The following ZNF329 variants were observed in gnomAD, a reference collection of about 807,000 sequenced individuals.
The protein encoded by ZNF329 is zinc finger protein 329.
A neutral mutation model predicts 26.6 loss-of-function variants in ZNF329; 15 were observed. The observed-to-expected ratio is 0.56, with a 90% CI of 0.38 to 0.87. The LOEUF is 0.87. Ranked by LOEUF, ZNF329 falls within the 40% of genes least tolerant of loss-of-function variation. ZNF329 has a pLI of 0.00. For missense variants in ZNF329, 651 were observed against 651.9 expected (o/e 1.00, Z 0.02); for synonymous variants, 239 against 233.5 (o/e 1.02, Z -0.21).
intron 3 of ZNF329, among the ~76,000 whole-genome samples, chr19:58,134,273 G>C (rs1400317590): frequency 1.3e-5 from 2 of 152,100 alleles, no homozygotes; most frequent in Non-Finnish European, 2.9e-5. Flanking sequence ...TACTGAAGTT[G>C]AAAAACATTG....
intron 3 of ZNF329, chr19:58,137,025 T>A: frequency 1.6e-5 from 3 of 183,826 alleles, no homozygotes; most frequent in African/African-American, 2.5e-5. Flanking sequence ...GATTCAGGAG[T>A]AAGTCCCACC....
intron 3 of ZNF329, among the ~76,000 whole-genome samples, chr19:58,141,403 A>T (rs1199526253): frequency 1.3e-5 from 2 of 151,816 alleles, no homozygotes; most frequent in Non-Finnish European, 2.9e-5. Context: ...GGTTCAAGTG[A>T]TTCTCCTGAC....
At chr19:58,146,795 C>G (rs569698484) in intron 1 of ZNF329, among the ~76,000 whole-genome samples, 1 of 151,964 alleles carries the variant, frequency 6.6e-6, no homozygotes, top group Non-Finnish European at 1.5e-5. Flanking sequence ...ACGAGTGATC[C>G]GCCAGCCTCG....
chr19:58,129,372 C>T lies in ZNF329; in HGVS notation c.132G>A (p.Glu44=), dbSNP rs2074884288. 1.2e-6 allele frequency: 2 copies of T among 1,614,216 alleles called. No individual in the cohort carries two copies. The highest frequency in any genetic ancestry group is 3.3e-5 in the Admixed American group (2 of 60,016). The change falls in exon 4 of 4, where the codon GAG becomes GAA. Residue 44 remains glutamate, a synonymous_variant. Coordinates refer to ENST00000598312, the MANE Select transcript of ZNF329 (RefSeq NM_024620.4). ...LGDGWDCENQ[E]GHLRQSALTL... is the part of the protein sequence containing the mutation. The stretch of plus-strand genomic sequence containing the variant: ...TTAAAGCTGATTGCCTCAAGTGTCC[C>T]TCCTGGTTCTCACAGTCCCAACCAT...
At chr19:58,137,809 CAAAAA>C (rs72295173) in intron 3 of ZNF329, among the ~76,000 whole-genome samples, 1 of 76,260 alleles carries the variant, frequency 1.3e-5, no homozygotes, top group Non-Finnish European at 2.4e-5. Flanking sequence ...ACAAAAAATA[CAAAAA>C]AAAAAAAAAA....
chr19:58,150,284 C>A (rs1025186988), intron 1 of ZNF329, among the ~76,000 whole-genome samples: 1 of 152,238 alleles, frequency 6.6e-6, no homozygotes, highest in Non-Finnish European at 1.5e-5. Flanking sequence ...GGAAGCGGCT[C>A]AGCCCACTGG....
upstream of ZNF329, among the ~76,000 whole-genome samples, chr19:58,154,300 C>T (rs1008149169): frequency 1.6e-4 from 24 of 152,226 alleles, no homozygotes; most frequent in Non-Finnish European, 4.4e-5. Context: ...TCAGCCACAG[C>T]TGTAACTTAT....
intron 1 of ZNF329, among the ~76,000 whole-genome samples, chr19:58,147,081 G>C (rs1342005481): frequency 6.6e-6 from 1 of 151,620 alleles, no homozygotes; most frequent in African/African-American, 2.4e-5. Context: ...TCTCTGCCCG[G>C]CCGCCATCCC....
At chr19:58,132,679 G>GA (rs1024028960) in intron 3 of ZNF329, 10,553 of 86,806 alleles carry the variant, frequency 0.12, 517 homozygotes, top group East Asian at 0.2. Context: ...GACTCCGTCT[G>GA]AAAAAAAAAA....
chr19:58,150,121 G>T (rs989563190), intron 1 of ZNF329, among the ~76,000 whole-genome samples: 2 of 152,092 alleles, frequency 1.3e-5, no homozygotes, highest in Non-Finnish European at 1.5e-5. Flanking sequence ...ACTGCACAAA[G>T]GAAATATGCC....
In ZNF329 at chr19:58,150,395, C is replaced by G. The variant is rs2075423352; in HGVS notation, c.-208+357G>C. ...TCGGGGGTTACCCCCGGAGACGGAC[C>G]AGGACACCCAGCAGGCGTGGCAAAA... On this transcript the variant is annotated intron_variant, in intron 1 of 3. Coordinates refer to ENST00000598312, the MANE Select transcript of ZNF329 (RefSeq NM_024620.4). Among the ~76,000 whole-genome samples, 8 of 152,342 alleles carry G rather than the reference C, an allele frequency of 5.3e-5. No individual in the cohort carries two copies. In the South Asian group the frequency reaches 1.7e-3, roughly 32 times the overall value.
chr19:58,154,314 A>G (rs1297936215), upstream of ZNF329, among the ~76,000 whole-genome samples: 2 of 152,104 alleles, frequency 1.3e-5, no homozygotes, highest in Non-Finnish European at 2.9e-5. Flanking sequence ...AACTTATTTA[A>G]TGGGGCACTC....
chr19:58,133,101 C>T (rs1020888826), intron 3 of ZNF329, among the ~76,000 whole-genome samples: 24 of 152,154 alleles, frequency 1.6e-4, no homozygotes, highest in Non-Finnish European at 2.9e-4. Context: ...CGTGAGCCAC[C>T]GCGCCTGGCC....
At chr19:58,150,433 G>A (rs894219627) in intron 1 of ZNF329, among the ~76,000 whole-genome samples, 2 of 152,222 alleles carry the variant, frequency 1.3e-5, no homozygotes, top group East Asian at 1.9e-4. Context: ...GTCTCTATGG[G>A]AGGGCGGGCT....
At position 58,129,464 on chromosome 19, in the gene ZNF329, C is replaced by G. The variant is rs1386039128; in HGVS notation, c.40G>C (p.Glu14Gln). The change falls in exon 4 of 4, where the codon GAA becomes CAA. Residue 14 changes from glutamate (E) to glutamine (Q), a missense_variant. Coordinates refer to ENST00000598312, the MANE Select transcript of ZNF329 (RefSeq NM_024620.4). ...KMTTRNFPER[E>Q]VPCDVEVERF... The stretch of plus-strand genomic sequence containing the variant: ...TCCACTTCTACATCACAGGGTACTT[C>G]TCTCTCAGGAAAATTCCGAGTCGTC... 2.5e-6 allele frequency: 4 copies of G among 1,600,798 alleles called. No individual in the cohort carries two copies. The highest frequency in any genetic ancestry group is 3.4e-6 in the Non-Finnish European group (4 of 1,174,018).
At chr19:58,145,936 C>G (rs1442052403) in intron 1 of ZNF329, among the ~76,000 whole-genome samples, 1 of 146,132 alleles carries the variant, frequency 6.8e-6, no homozygotes, top group Non-Finnish European at 1.5e-5. Context: ...GGAATGTCAA[C>G]TGAACATCAA....
chr19:58,129,226 G>A lies in ZNF329; in HGVS notation c.278C>T (p.Ala93Val). The A allele has an allele frequency of 3.7e-6, 6 of 1,614,206 alleles. No homozygotes were observed. Among genetic ancestry groups the A allele is most frequent in the South Asian group, 2.2e-5 (2 of 91,082 alleles). ...QRVLATNGFH[A>V]PDSNVSGLDC... ...CAGACCACTAACATTTGAGTCAGGT[G>A]CATGGAAACCATTTGTTGCCAGAAC... The change falls in exon 4 of 4, where the codon GCA becomes GTA. Residue 93 changes from alanine (A) to valine (V), a missense_variant. By Grantham distance (64) the Ala-to-Val change is moderately conservative (BLOSUM62 0). Transcript: ENST00000598312.
intron 3 of ZNF329, among the ~76,000 whole-genome samples, chr19:58,129,878 C>T (rs1180930297): frequency 6.6e-6 from 1 of 152,230 alleles, no homozygotes; most frequent in Admixed American, 6.5e-5. Flanking sequence ...CATCAGTACA[C>T]ATTTCCAAAG....
chr19:58,154,237 G>A (rs1259667066), upstream of ZNF329, among the ~76,000 whole-genome samples: 2 of 152,156 alleles, frequency 1.3e-5, no homozygotes, highest in East Asian at 3.9e-4. Context: ...TACAACCCCT[G>A]AGCTCAGGCA....
Sources: gnomAD v4.1 joint callset for allele counts (sites outside exome capture counted in the v4.1 genomes callset) on GRCh38, gnomAD v4.1.1 for gene constraint, MANE v1.5 for transcripts, NCBI Gene and HGNC (gene_info 2026-07-23, HGNC 2026-07-21) for gene names.